C1QTNF7: variants seen among roughly 807,000 people sequenced by gnomAD.
C1QTNF7 encodes the protein C1q and TNF related 7, also known as complement C1q tumor necrosis factor-related protein 7.
A neutral mutation model predicts 19.6 loss-of-function variants in C1QTNF7; 15 were observed. That is an observed-to-expected ratio of 0.76 (90% CI 0.51 to 1.18). C1QTNF7 has a LOEUF of 1.18. Ranked by LOEUF, C1QTNF7 falls within the 50% of genes most tolerant of loss-of-function variation. The probability of loss-of-function intolerance (pLI) is 0.00; values close to 1 mark genes in which losing one functional copy is unlikely to be tolerated. For missense variants in C1QTNF7, 324 were observed against 359.7 expected, an observed-to-expected ratio of 0.90 and a Z score of 0.80; for synonymous variants, 142 against 137.5, an observed-to-expected ratio of 1.03 and a Z score of -0.23.
intron 1 of C1QTNF7, among the ~76,000 whole-genome samples, chr4:15,386,131 A>T (rs1354821215): frequency 6.6e-6 from 1 of 152,024 alleles, no homozygotes; most frequent in Non-Finnish European, 1.5e-5. Flanking sequence ...AGCAGGGAGG[A>T]TGTCCGCATC....
At chr4:15,339,794 C>T (rs1716476957), upstream of C1QTNF7, 1 of 231,602 alleles carries the variant, frequency 4.3e-6, no homozygotes, top group South Asian at 6.5e-5. Flanking sequence ...TCCTGCTTTT[C>T]ATTTGCCTCA....
At chr4:15,402,008 T>G (rs1228015163) in intron 1 of C1QTNF7, among the ~76,000 whole-genome samples, 1 of 152,188 alleles carries the variant, frequency 6.6e-6, no homozygotes, top group Admixed American at 6.5e-5. Context: ...AAGAAAGCTT[T>G]TTGAGTTTAA....
At chr4:15,354,513 C>T (rs1473973775) in intron 1 of C1QTNF7, among the ~76,000 whole-genome samples, 1 of 152,010 alleles carries the variant, frequency 6.6e-6, no homozygotes, top group African/African-American at 2.4e-5. Context: ...TGTTCTGAGG[C>T]TCTGCGTGTC....
intron 1 of C1QTNF7, among the ~76,000 whole-genome samples, chr4:15,433,001 C>G (rs1251780142): frequency 6.6e-6 from 1 of 152,142 alleles, no homozygotes. Flanking sequence ...TCTTCACAGA[C>G]TGTTCCTGTG....
chr4:15,415,620 C>CATAT (rs35377968), intron 1 of C1QTNF7, among the ~76,000 whole-genome samples: 38,441 of 146,568 alleles, frequency 0.26, 5,850 homozygotes, highest in East Asian at 0.4. Flanking sequence ...TTATTTGATG[C>CATAT]ATATATATAT....
At chr4:15,349,794 T>A (rs1716845054) in intron 1 of C1QTNF7, among the ~76,000 whole-genome samples, 1 of 152,142 alleles carries the variant, frequency 6.6e-6, no homozygotes, top group Non-Finnish European at 1.5e-5. Context: ...TCACTAAAAA[T>A]CCACTGCTGT....
At chr4:15,415,347 T>C (rs1297493495) in intron 1 of C1QTNF7, among the ~76,000 whole-genome samples, 1 of 152,220 alleles carries the variant, frequency 6.6e-6, no homozygotes, top group Non-Finnish European at 1.5e-5. Flanking sequence ...TTTTACATTA[T>C]CAATTATTTA....
chr4:15,359,994 T>G (rs1162797388), intron 1 of C1QTNF7, among the ~76,000 whole-genome samples: 1 of 152,206 alleles, frequency 6.6e-6, no homozygotes, highest in Non-Finnish European at 1.5e-5. Context: ...TCACGCTGTC[T>G]AGGCAGAGTT....
intron 1 of C1QTNF7, among the ~76,000 whole-genome samples, chr4:15,354,459 G>A (rs879812068): frequency 2.6e-5 from 4 of 152,142 alleles, no homozygotes; most frequent in Admixed American, 2.6e-4. Flanking sequence ...GGCCAGATGG[G>A]GAACTCTCCT....
At position 15,414,879 on chromosome 4, in the gene C1QTNF7, C is replaced by T. The variant is rs546046394; in HGVS notation, c.14-20857C>T. Among the ~76,000 whole-genome samples the T allele has an allele frequency of 1.8e-4, 27 of 152,120 alleles. No individual in the cohort carries two copies. The South Asian group carries it at 5.2e-3, about 29-fold the overall frequency. ...TTCCAGTTGATGATTAAAAAACAAA[C>T]TAGGTTTGGGATAAAATTCAAGATG... On this transcript the variant is annotated intron_variant, in intron 1 of 2. Coordinates refer to the C1QTNF7 transcript ENST00000295297.
chr4:15,401,965 A>G (rs956843834), intron 1 of C1QTNF7, among the ~76,000 whole-genome samples: 7 of 152,338 alleles, frequency 4.6e-5, no homozygotes, highest in East Asian at 1.9e-4. Context: ...TTGAACAGAA[A>G]AAAAGGAACA....
At chr4:15,440,004 T>C (rs987840480) in intron 2 of C1QTNF7, among the ~76,000 whole-genome samples, 1 of 137,088 alleles carries the variant, frequency 7.3e-6, no homozygotes, top group African/African-American at 2.5e-5. Context: ...GTATAAAATA[T>C]TGTATATATA....
intron 2 of C1QTNF7, among the ~76,000 whole-genome samples, chr4:15,438,013 G>C (rs990299606): frequency 6.6e-6 from 1 of 152,084 alleles, no homozygotes; most frequent in Admixed American, 6.5e-5. Flanking sequence ...ATGTGGGGGA[G>C]GCCAATATAT....
intron 1 of C1QTNF7, among the ~76,000 whole-genome samples, chr4:15,361,979 A>G (rs1717358715): frequency 1.3e-5 from 2 of 152,108 alleles, no homozygotes. Context: ...CCTCCCCTCG[A>G]GGGGCAAAAG....
At position 15,435,652 on chromosome 4, in the gene C1QTNF7, T is replaced by C; in HGVS notation, c.-8-84T>C. ...AGTGATTTGTTGCAAATGCACATTC[T>C]CTTGTTCAAACTGATTCAATCATGC... On this transcript the variant is annotated intron_variant, in intron 1 of 2. Coordinates refer to ENST00000444304, the MANE Select transcript of C1QTNF7 (RefSeq NM_031911.5). The C allele has an allele frequency of 1.9e-6, 3 of 1,556,408 alleles. No individual in the cohort carries two copies. In the Admixed American group the frequency reaches 5.5e-5, roughly 29 times the overall value.
intron 1 of C1QTNF7, among the ~76,000 whole-genome samples, chr4:15,388,459 A>G (rs918581945): frequency 2.0e-5 from 3 of 152,216 alleles, no homozygotes; most frequent in African/African-American, 7.2e-5. Flanking sequence ...AAGCAGAGTA[A>G]GGACAGAGGT....
Position 15,442,123 on chromosome 4 carries a change from T to C in C1QTNF7, c.239-45T>C, listed in dbSNP as rs746826403. On this transcript the variant is annotated intron_variant, in intron 2 of 2. Coordinates refer to ENST00000444304, the MANE Select transcript of C1QTNF7 (RefSeq NM_031911.5). ...CATGTAGGTATATTGTTTGTGATTA[T>C]ATCTTTTGAGGAACTATTAATCAAA... 2.6e-6 allele frequency: 4 copies of C among 1,536,992 alleles called. No homozygotes were observed. The African/African-American group carries it at 5.6e-5, about 21-fold the overall frequency.
At chr4:15,375,595 G>C (rs1361586231) in intron 1 of C1QTNF7, among the ~76,000 whole-genome samples, 2 of 152,128 alleles carry the variant, frequency 1.3e-5, no homozygotes, top group Non-Finnish European at 2.9e-5. Context: ...GAATCGTTTT[G>C]TTTGGATCAG....
chr4:15,414,306 CATG>C (rs1377065732), intron 1 of C1QTNF7, among the ~76,000 whole-genome samples: 3 of 152,188 alleles, frequency 2.0e-5, no homozygotes, highest in African/African-American at 7.2e-5. Flanking sequence ...AGTAACATTT[CATG>C]ATATTTCTTT....
Sources: allele counts gnomAD v4.1 joint callset (sites outside exome capture counted in the v4.1 genomes callset), GRCh38; gene constraint gnomAD v4.1.1; transcripts MANE v1.5; gene names NCBI Gene and HGNC (gene_info 2026-07-23, HGNC 2026-07-21).